Variants in DOCK3 observed in about 807,000 individuals in gnomAD.
DOCK3 encodes dedicator of cytokinesis 3.
In DOCK3, 60 loss-of-function variants were observed where a neutral mutation model predicts 265.6. That is an observed-to-expected ratio of 0.23 (90% CI 0.18 to 0.28). The LOEUF (loss-of-function observed/expected upper bound fraction) is 0.28, where lower values mean the gene tolerates loss of function less well. DOCK3 is among the 10% of genes least tolerant of loss of function. The probability of loss-of-function intolerance (pLI) is 1.00; values close to 1 mark genes in which losing one functional copy is unlikely to be tolerated. For missense variants in DOCK3, 1,981 were observed against 2,594.3 expected (o/e 0.76, Z 5.14); for synonymous variants, 881 against 938.0 (o/e 0.94, Z 1.11).
intron 3 of DOCK3, among the ~76,000 whole-genome samples, chr3:50,882,187 A>G (rs76747326): frequency 0.099 from 15,039 of 152,204 alleles, 905 homozygotes; most frequent in Non-Finnish European, 0.13. Context: ...AGGCAATACC[A>G]TTCAGGATAT....
chr3:51,059,904 T>C (rs917860069), intron 5 of DOCK3, among the ~76,000 whole-genome samples: 5 of 152,120 alleles, frequency 3.3e-5, no homozygotes, highest in Admixed American at 2.0e-4. Flanking sequence ...CATCAAATTT[T>C]CTCCCTCTAA....
At chr3:51,233,597 G>C (rs955731016) in intron 19 of DOCK3, among the ~76,000 whole-genome samples, 127 of 152,038 alleles carry the variant, frequency 8.4e-4, no homozygotes, top group Non-Finnish European at 1.3e-3. Flanking sequence ...TTGAACTCCT[G>C]ACCTAAAGTG....
chr3:50,812,657 T>C (rs2043830960), intron 2 of DOCK3, among the ~76,000 whole-genome samples: 1 of 152,196 alleles, frequency 6.6e-6, no homozygotes, highest in African/African-American at 2.4e-5. Flanking sequence ...GCCTTTTTGT[T>C]CTATTCAGGC....
intron 38 of DOCK3, among the ~76,000 whole-genome samples, chr3:51,346,562 C>T (rs2085593939): frequency 6.6e-6 from 1 of 151,472 alleles, no homozygotes; most frequent in East Asian, 1.9e-4. Context: ...GGGTTGGTTC[C>T]AAGTCTTTGC....
At chr3:51,091,640 G>A (rs192453052) in intron 9 of DOCK3, among the ~76,000 whole-genome samples, 1 of 139,062 alleles carries the variant, frequency 7.2e-6, no homozygotes, top group Admixed American at 7.6e-5. Context: ...CCGGGATGGT[G>A]CCACTGCACT....
intron 1 of DOCK3, among the ~76,000 whole-genome samples, chr3:50,732,038 T>A (rs1375604785): frequency 1.0e-4 from 15 of 143,284 alleles, no homozygotes; most frequent in African/African-American, 2.8e-4. Context: ...TTAATGTATT[T>A]AAAAAAAAAA....
At chr3:51,074,977 A>C (rs1326895867) in intron 6 of DOCK3, among the ~76,000 whole-genome samples, 1 of 152,182 alleles carries the variant, frequency 6.6e-6, no homozygotes, top group African/African-American at 2.4e-5. Context: ...TTTTCATCCT[A>C]ATGAAACTAA....
rs200070432 is a variant in DOCK3 at position 51,090,249 on chromosome 3, G to A, written c.611G>A (p.Arg204His). Residue 204 changes from arginine (R) to histidine (H), a missense_variant, in exon 9 of 53, where the codon CGT becomes CAT. Physicochemically the swap from Arg to His is conservative, Grantham distance 29. Coordinates refer to ENST00000266037, the MANE Select transcript of DOCK3 (RefSeq NM_004947.5). ...CATTAGGTAGATACAATGCGCCCACGTCATGGGGAAACATGTCGGATGCCA... is the reference window on the plus strand; with the variant it reads ...CATTAGGTAGATACAATGCGCCCACATCATGGGGAAACATGTCGGATGCCA... ...STSQVDTMRP[R>H]HGETCRMPVP... 4.6e-5 allele frequency: 73 copies of A among 1,592,790 alleles called. No individual in the cohort carries two copies. In the African/African-American group the frequency reaches 5.8e-4, roughly 13 times the overall value.
chr3:50,868,513 A>G (rs1323591158), intron 3 of DOCK3, among the ~76,000 whole-genome samples: 1 of 152,120 alleles, frequency 6.6e-6, no homozygotes, highest in Non-Finnish European at 1.5e-5. Flanking sequence ...AGCTGGGACT[A>G]CAGGCACACA....
intron 27 of DOCK3, among the ~76,000 whole-genome samples, chr3:51,283,767 A>G (rs962551452): frequency 2.0e-5 from 3 of 152,214 alleles, no homozygotes; most frequent in Non-Finnish European, 2.9e-5. Flanking sequence ...AAGGGACTGC[A>G]TCCTAAACCT....
chr3:50,772,853 C>G (rs961106718), intron 1 of DOCK3, among the ~76,000 whole-genome samples: 1 of 151,942 alleles, frequency 6.6e-6, no homozygotes, highest in African/African-American at 2.4e-5. Flanking sequence ...TTAAAATGCC[C>G]ATACTATTTC....
chr3:50,783,791 AG>A (rs2042043877), intron 2 of DOCK3, among the ~76,000 whole-genome samples: 1 of 151,204 alleles, frequency 6.6e-6, no homozygotes, highest in Admixed American at 6.6e-5. Flanking sequence ...AGTGTCTAGA[AG>A]GGGTTTTCCG....
intron 4 of DOCK3, among the ~76,000 whole-genome samples, chr3:50,931,896 G>T (rs1317771076): frequency 6.6e-6 from 1 of 152,158 alleles, no homozygotes; most frequent in Non-Finnish European, 1.5e-5. Context: ...CAGGTAAAAT[G>T]AAACTTTCTT....
intron 14 of DOCK3, among the ~76,000 whole-genome samples, chr3:51,220,687 A>ATGTGTGTGTGTG (rs760900578): frequency 3.8e-3 from 254 of 67,558 alleles, no homozygotes; most frequent in Non-Finnish European, 5.4e-3. Context: ...ATATATATAT[A>ATGTGTGTGTGTG]TGTGTGTGTG....
At chr3:50,863,028 C>G (rs2046985516) in intron 3 of DOCK3, among the ~76,000 whole-genome samples, 1 of 152,126 alleles carries the variant, frequency 6.6e-6, no homozygotes, top group Admixed American at 6.5e-5. Context: ...TGGTGCTGGC[C>G]CCCGCAGTGA....
At chr3:51,284,722 C>T (rs1032352710) in intron 27 of DOCK3, among the ~76,000 whole-genome samples, 1 of 152,188 alleles carries the variant, frequency 6.6e-6, no homozygotes, top group African/African-American at 2.4e-5. Flanking sequence ...ACTTCATGAG[C>T]CTTTCCTTTG....
intron 49 of DOCK3, among the ~76,000 whole-genome samples, chr3:51,366,274 TA>T (rs1421886249): frequency 6.6e-6 from 1 of 152,238 alleles, no homozygotes; most frequent in Non-Finnish European, 1.5e-5. Flanking sequence ...TTTGTTTGCA[TA>T]GAGGTGTTTA....
intron 5 of DOCK3, among the ~76,000 whole-genome samples, chr3:51,007,241 C>T (rs1050866733): frequency 1.3e-5 from 2 of 152,220 alleles, no homozygotes; most frequent in African/African-American, 4.8e-5. Flanking sequence ...GTCCCACCAA[C>T]AGTGTAAAAG....
chr3:50,858,510 A>G (rs970417749), intron 3 of DOCK3, among the ~76,000 whole-genome samples: 63 of 152,004 alleles, frequency 4.1e-4, no homozygotes, highest in African/African-American at 1.4e-3. Flanking sequence ...GTTTCAGCTG[A>G]GACGTCTGCT....
Sources: gnomAD v4.1 joint callset for allele counts (sites outside exome capture counted in the v4.1 genomes callset) on GRCh38, gnomAD v4.1.1 for gene constraint, MANE v1.5 for transcripts, NCBI Gene and HGNC (gene_info 2026-07-23, HGNC 2026-07-21) for gene names.